ST8SIA6: variants seen among roughly 807,000 people sequenced by gnomAD.
The protein encoded by ST8SIA6 is alpha-2,8-sialyltransferase 8F.
In ST8SIA6, 39 loss-of-function variants were observed where a neutral mutation model predicts 33.6. The observed-to-expected ratio is 1.16, with a 90% CI of 0.90 to 1.52. ST8SIA6 has a LOEUF of 1.52. Ranked by LOEUF, ST8SIA6 falls within the 40% of genes most tolerant of loss-of-function variation. ST8SIA6 has a pLI of 0.00. For missense variants in ST8SIA6, 441 were observed against 443.8 expected (o/e 0.99, Z 0.06); for synonymous variants, 172 against 167.2 (o/e 1.03, Z -0.22).
intron 3 of ST8SIA6, among the ~76,000 whole-genome samples, chr10:17,374,764 T>TATATATATATATATATATATATATAC (rs1441288579): frequency 1.6e-5 from 2 of 126,852 alleles, no homozygotes; most frequent in African/African-American, 6.0e-5. Flanking sequence ...TATATATATA[T>TATATATATATATATATATATATATAC]ATATTTAGCT....
At chr10:17,336,819 C>A (rs1224116095) in intron 4 of ST8SIA6, among the ~76,000 whole-genome samples, 1 of 152,064 alleles carries the variant, frequency 6.6e-6, no homozygotes, top group Admixed American at 6.6e-5. Flanking sequence ...GTCTCAAACT[C>A]CCGACCCTAG....
At chr10:17,425,438 G>T (rs117703112) in intron 2 of ST8SIA6, among the ~76,000 whole-genome samples, 4,400 of 152,142 alleles carry the variant, frequency 0.029, 67 homozygotes, top group South Asian at 0.055. Flanking sequence ...GCATGGTGGT[G>T]CGCCTGTAAT....
At chr10:17,381,083 T>C (rs1210140731) in intron 3 of ST8SIA6, among the ~76,000 whole-genome samples, 1 of 152,170 alleles carries the variant, frequency 6.6e-6, no homozygotes, top group Admixed American at 6.5e-5. Context: ...CGTCACCTGA[T>C]TGTTTGACTA....
intron 3 of ST8SIA6, among the ~76,000 whole-genome samples, chr10:17,365,094 G>C (rs1425106724): frequency 6.6e-6 from 1 of 152,022 alleles, no homozygotes; most frequent in Non-Finnish European, 1.5e-5. Flanking sequence ...AATGTTTTCT[G>C]TCCCAAGACA....
At chr10:17,397,353 C>A (rs963135895) in intron 2 of ST8SIA6, among the ~76,000 whole-genome samples, 2 of 151,246 alleles carry the variant, frequency 1.3e-5, no homozygotes, top group African/African-American at 4.8e-5. Context: ...CCTGCCTCAG[C>A]CTCCTGTGTA....
chr10:17,420,645 T>C (rs1240411617), intron 2 of ST8SIA6, among the ~76,000 whole-genome samples: 1 of 152,152 alleles, frequency 6.6e-6, no homozygotes, highest in Non-Finnish European at 1.5e-5. Context: ...TCTACTTTCA[T>C]CCTGCCAGCT....
intron 2 of ST8SIA6, among the ~76,000 whole-genome samples, chr10:17,450,774 G>T (rs1257783086): frequency 1.3e-5 from 2 of 152,166 alleles, no homozygotes; most frequent in Admixed American, 6.5e-5. Flanking sequence ...GAGATGAGAT[G>T]GTAGGAGCAA....
intron 4 of ST8SIA6, among the ~76,000 whole-genome samples, chr10:17,350,826 T>C (rs1328840579): frequency 6.6e-6 from 1 of 152,184 alleles, no homozygotes; most frequent in Middle Eastern, 3.2e-3. Context: ...TAGTTATCCC[T>C]GCTTCAGGTT....
At chr10:17,346,638 A>C (rs957743875) in intron 4 of ST8SIA6, among the ~76,000 whole-genome samples, 1 of 152,166 alleles carries the variant, frequency 6.6e-6, no homozygotes, top group Non-Finnish European at 1.5e-5. Flanking sequence ...AGCTGAGCCC[A>C]GGCAGCCCAC....
At chr10:17,411,920 ATG>A (rs1019829631) in intron 2 of ST8SIA6, among the ~76,000 whole-genome samples, 1 of 132,314 alleles carries the variant, frequency 7.6e-6, no homozygotes, top group African/African-American at 3.0e-5. Flanking sequence ...CTTTTAAGGA[ATG>A]TTTTTTTTTT....
At chr10:17,375,409 C>A (rs535394172) in intron 3 of ST8SIA6, among the ~76,000 whole-genome samples, 1 of 152,298 alleles carries the variant, frequency 6.6e-6, no homozygotes, top group East Asian at 1.9e-4. Flanking sequence ...AAGCAGCAAT[C>A]AGGTCATGTT....
At chr10:17,417,519 T>G (rs1220863688) in intron 2 of ST8SIA6, among the ~76,000 whole-genome samples, 1 of 150,112 alleles carries the variant, frequency 6.7e-6, no homozygotes, top group Non-Finnish European at 1.5e-5. Context: ...ACCCCCGCCA[T>G]CAGCATTTAT....
chr10:17,427,492 G>C (rs778156958), intron 2 of ST8SIA6, among the ~76,000 whole-genome samples: 1 of 152,204 alleles, frequency 6.6e-6, no homozygotes, highest in Non-Finnish European at 1.5e-5. Context: ...TTCCAGAAGA[G>C]GCCTCTTCAA....
At chr10:17,411,444 A>G (rs562263016) in intron 2 of ST8SIA6, among the ~76,000 whole-genome samples, 1 of 152,196 alleles carries the variant, frequency 6.6e-6, no homozygotes, top group African/African-American at 2.4e-5. Flanking sequence ...GGGCCTCCCA[A>G]AGTGCTGGGA....
chr10:17,379,459 C>A (rs1850050655), intron 3 of ST8SIA6, among the ~76,000 whole-genome samples: 1 of 152,170 alleles, frequency 6.6e-6, no homozygotes, highest in African/African-American at 2.4e-5. Flanking sequence ...CCCCCAAAAT[C>A]ACTAAGGAAA....
chr10:17,350,469 G>A (rs115915016), intron 4 of ST8SIA6, among the ~76,000 whole-genome samples: 2,122 of 152,166 alleles, frequency 0.014, 46 homozygotes, highest in African/African-American at 0.048. Context: ...CGGGAGGATC[G>A]TTTGAGTCCA....
chr10:17,370,387 T>C (rs1477224261), intron 3 of ST8SIA6, among the ~76,000 whole-genome samples: 1 of 152,232 alleles, frequency 6.6e-6, no homozygotes, highest in Non-Finnish European at 1.5e-5. Flanking sequence ...GTTTGCTGTA[T>C]GTTTCATATT....
chr10:17,335,627 A>G (rs533078919), intron 4 of ST8SIA6, among the ~76,000 whole-genome samples: 1 of 152,300 alleles, frequency 6.6e-6, no homozygotes, highest in Non-Finnish European at 1.5e-5. Context: ...CTACCATTCA[A>G]AAAAGATGGT....
At chr10:17,377,286 C>T (rs1436863004) in intron 3 of ST8SIA6, among the ~76,000 whole-genome samples, 1 of 152,174 alleles carries the variant, frequency 6.6e-6, no homozygotes, top group African/African-American at 2.4e-5. Context: ...CCCCACCCCT[C>T]TCTCCCTTTG....
Sources: gnomAD v4.1 joint callset for allele counts (sites outside exome capture counted in the v4.1 genomes callset) on GRCh38, gnomAD v4.1.1 for gene constraint, MANE v1.5 for transcripts, NCBI Gene and HGNC (gene_info 2026-07-23, HGNC 2026-07-21) for gene names.